Variants in ADAMTS16 observed in about 807,000 individuals in gnomAD.
The protein encoded by ADAMTS16 is ADAM metallopeptidase with thrombospondin type 1 motif 16, also known as A disintegrin and metalloproteinase with thrombospondin motifs 16.
Under a neutral mutation model 145.8 loss-of-function variants are expected in ADAMTS16, and 94 were observed. That is an observed-to-expected ratio of 0.64 (90% confidence interval 0.55 to 0.77). The LOEUF (loss-of-function observed/expected upper bound fraction) is 0.77, where lower values mean the gene tolerates loss of function less well. Among genes scored for constraint, ADAMTS16 ranks in the 30% least tolerant of loss-of-function variants. The probability of loss-of-function intolerance (pLI) is 0.00; values close to 1 mark genes in which losing one functional copy is unlikely to be tolerated. For missense variants in ADAMTS16, 1,585 were observed against 1,591.5 expected (o/e 1.00, Z 0.07); for synonymous variants, 659 against 604.3 (o/e 1.09, Z -1.33).
At position 5,207,783 on chromosome 5, in the gene ADAMTS16, C is replaced by T. The variant is rs577618556; in HGVS notation, c.1452-1310C>T. 2.2e-4 allele frequency among the ~76,000 whole-genome samples: 33 copies of T among 150,238 alleles called. 1 individual carries two copies. The highest frequency in any genetic ancestry group is 6.5e-3 in the Middle Eastern group (2 of 310). On this transcript the variant is annotated intron_variant, in intron 9 of 22. Coordinates refer to ENST00000274181, the MANE Select transcript of ADAMTS16 (RefSeq NM_139056.4). The stretch of plus-strand genomic sequence containing the variant: ...TTTTTTCTTCATCTGTTGATATGAT[C>T]GTGTGGTTTTTCTTCTTTAGCCTAT...
chr5:5,245,265 T>C (rs1477679791), intron 17 of ADAMTS16, among the ~76,000 whole-genome samples: 2 of 152,318 alleles, frequency 1.3e-5, no homozygotes, highest in Middle Eastern at 3.4e-3. Flanking sequence ...TATCTGACAA[T>C]AGCATGTTTT....
chr5:5,187,953 A>G, intron 6 of ADAMTS16, 145 bp downstream of exon 6: 1 of 574,912 alleles, frequency 1.7e-6, no homozygotes, highest in Non-Finnish European at 3.0e-6. Context: ...ACTGCAAATG[A>G]GTGTCTTTTC....
intron 10 of ADAMTS16, among the ~76,000 whole-genome samples, chr5:5,215,870 GTATATATATATATATATATATA>G (rs55703329): frequency 0.013 from 1,284 of 101,608 alleles, 34 homozygotes; most frequent in Admixed American, 0.018. Context: ...GTGTGTATGT[GTATATATATATATATATATATA>G]TATATATATA....
At chr5:5,248,613 T>C (rs989630034) in intron 17 of ADAMTS16, among the ~76,000 whole-genome samples, 1 of 152,252 alleles carries the variant, frequency 6.6e-6, no homozygotes, top group Admixed American at 6.5e-5. Flanking sequence ...AGTTGCTTCA[T>C]GGACGTGCCA....
intron 3 of ADAMTS16, among the ~76,000 whole-genome samples, chr5:5,170,463 TCTC>T (rs1735014873): frequency 6.6e-6 from 1 of 151,952 alleles, no homozygotes; most frequent in African/African-American, 2.4e-5. Context: ...GTGGAAACCT[TCTC>T]CTCCTGGGTT....
chr5:5,243,344 G>T (rs1737353808), intron 17 of ADAMTS16, among the ~76,000 whole-genome samples: 1 of 152,210 alleles, frequency 6.6e-6, no homozygotes. Flanking sequence ...CTCTAATAGT[G>T]ACCAGAGAGA....
At chr5:5,203,426 A>G (rs941153141) in intron 9 of ADAMTS16, among the ~76,000 whole-genome samples, 2 of 152,234 alleles carry the variant, frequency 1.3e-5, no homozygotes, top group Non-Finnish European at 2.9e-5. Context: ...GATCCCAACA[A>G]TGAGCAAGGA....
chr5:5,145,077 A>G (rs1734258927), intron 2 of ADAMTS16, among the ~76,000 whole-genome samples: 1 of 152,210 alleles, frequency 6.6e-6, no homozygotes, highest in Non-Finnish European at 1.5e-5. Flanking sequence ...AGTTTGCCTG[A>G]ACGCGGAGAT....
intron 18 of ADAMTS16, among the ~76,000 whole-genome samples, chr5:5,265,171 TGGA>T (rs898809637): frequency 8.1e-4 from 124 of 152,262 alleles, no homozygotes; most frequent in African/African-American, 2.9e-3. Context: ...CCGAAGGAAA[TGGA>T]GGCCCCTTGC....
chr5:5,223,202 A>G (rs773334881), intron 11 of ADAMTS16: 31 of 329,064 alleles, frequency 9.4e-5, no homozygotes, highest in Non-Finnish European at 1.7e-4. Flanking sequence ...AAGGACCAGC[A>G]TTAAACAGTG....
chr5:5,310,736 C>A lies in ADAMTS16; in HGVS notation c.3411+4008C>A, dbSNP rs1465559241. 1.3e-5 allele frequency among the ~76,000 whole-genome samples: 2 copies of A among 152,194 alleles called. No homozygotes were observed. The highest frequency in any genetic ancestry group is 2.9e-5 in the Non-Finnish European group (2 of 68,032). On this transcript the variant is annotated intron_variant, in intron 21 of 22. Coordinates refer to ENST00000274181, the MANE Select transcript of ADAMTS16 (RefSeq NM_139056.4). This position sits in a 1 kb window ranked among gnomAD's most constrained non-coding sequence, Gnocchi z 4.3. ...GAAGGCACCACCTCTGCTGCTCATA[C>A]CTTAATTTTGGATTTCTGGCGTCCT...
chr5:5,319,685 A>C lies in ADAMTS16; in HGVS notation c.*547A>C. 1 of 355,550 alleles carries C rather than the reference A, an allele frequency of 2.8e-6. No individual in the cohort carries two copies. Among genetic ancestry groups the C allele is most frequent in the Non-Finnish European group, 5.4e-6 (1 of 183,870 alleles). 22.0% of individuals were successfully genotyped at this position (355,550 alleles called of 1,614,324 possible). The stretch of plus-strand genomic sequence containing the variant: ...TCCTCCTCCTCCTCCCCAGCGGCCG[A>C]GCATCTCTTACCAGGAACCTGGAGC... On this transcript the variant is annotated 3_prime_UTR_variant, in exon 23 of 23. Transcript: ENST00000274181.
At chr5:5,248,935 G>C (rs1030705186) in intron 17 of ADAMTS16, among the ~76,000 whole-genome samples, 1 of 152,198 alleles carries the variant, frequency 6.6e-6, no homozygotes, top group African/African-American at 2.4e-5. Flanking sequence ...ACAACCAAAA[G>C]GACGTATCTG....
chr5:5,296,769 C>G lies in ADAMTS16; in HGVS notation c.2790-6499C>G, dbSNP rs191448425. 2.2e-3 allele frequency among the ~76,000 whole-genome samples: 337 copies of G among 152,272 alleles called. 4 individuals carry two copies. Among genetic ancestry groups the G allele is most frequent in the African/African-American group, 7.9e-3 (329 of 41,552 alleles). On this transcript the variant is annotated intron_variant, in intron 18 of 22. Coordinates refer to ENST00000274181, the MANE Select transcript of ADAMTS16 (RefSeq NM_139056.4). ...GGACATGAGAACTTTGGATGTTAAG[C>G]CTGGTAAAGAGGAGGGAGTTACCTC...
chr5:5,296,785 G>A (rs898507524), intron 18 of ADAMTS16, among the ~76,000 whole-genome samples: 1 of 152,142 alleles, frequency 6.6e-6, no homozygotes, highest in African/African-American at 2.4e-5. Flanking sequence ...AAAGAGGAGG[G>A]AGTTACCTCT....
rs148013410 is a variant in ADAMTS16 at position 5,286,674 on chromosome 5, C to T, written c.2790-16594C>T. Reference sequence around the variant, plus strand: ...GAGATGGAGACCATCCTGGCTAACACGGTGAAACCCCGTCTCTACTAAAAA... The same window carrying T: ...GAGATGGAGACCATCCTGGCTAACATGGTGAAACCCCGTCTCTACTAAAAA... On this transcript the variant is annotated intron_variant, in intron 18 of 22. Coordinates refer to ENST00000274181, the MANE Select transcript of ADAMTS16 (RefSeq NM_139056.4). 3.9e-4 allele frequency among the ~76,000 whole-genome samples: 59 copies of T among 151,888 alleles called. 1 individual carries two copies. Among genetic ancestry groups the T allele is most frequent in the Admixed American group, 1.2e-3 (18 of 15,256 alleles).
Position 5,242,080 on chromosome 5 carries a change from G to A in ADAMTS16, c.2551G>A (p.Val851Ile), listed in dbSNP as rs1244390063. The A allele has an allele frequency of 2.5e-6, 4 of 1,614,006 alleles. 1 individual carries two copies. In the South Asian group the frequency reaches 4.4e-5, roughly 18 times the overall value. ...ELLFQGRNPG[V>I]AWEYSMPRLG... Reference sequence around the variant, plus strand: ...GCTGTTTCAGGGAAGGAACCCGGGTGTTGCCTGGGAATACTCCATGCCTCG... The same window carrying A: ...GCTGTTTCAGGGAAGGAACCCGGGTATTGCCTGGGAATACTCCATGCCTCG... The change falls in exon 17 of 23, where the codon GTT becomes ATT. Residue 851 changes from valine (V) to isoleucine (I), a missense_variant. Transcript: ENST00000274181.
chr5:5,280,072 T>G (rs1031821096), intron 18 of ADAMTS16, among the ~76,000 whole-genome samples: 1 of 152,118 alleles, frequency 6.6e-6, no homozygotes, highest in Non-Finnish European at 1.5e-5. Context: ...CCACAATCCT[T>G]CCAGTGTCTG....
intron 3 of ADAMTS16, among the ~76,000 whole-genome samples, chr5:5,159,671 A>G (rs1734691609): frequency 6.6e-6 from 1 of 152,236 alleles, no homozygotes. Context: ...ATTAGAATGT[A>G]TTTTATTACA....
Sources: gnomAD v4.1 joint callset for allele counts (sites outside exome capture counted in the v4.1 genomes callset) on GRCh38, gnomAD v4.1.1 for gene constraint, Gnocchi (gnomAD v3.1) non-coding constraint, MANE v1.5 for transcripts, NCBI Gene and HGNC (gene_info 2026-07-23, HGNC 2026-07-21) for gene names.